Variants in EPC2 observed in about 807,000 individuals in gnomAD.
The protein encoded by EPC2 is enhancer of polycomb homolog 2.
A neutral mutation model predicts 92.1 loss-of-function variants in EPC2; 14 were observed. That is an observed-to-expected ratio of 0.15 (90% CI 0.10 to 0.24). The LOEUF is 0.24. EPC2 is among the 10% of genes least tolerant of loss of function. The pLI is 1.00. For missense variants in EPC2, 755 were observed against 971.5 expected (o/e 0.78, Z 2.96); for synonymous variants, 340 against 334.7 (o/e 1.02, Z -0.17).
intron 3 of EPC2, among the ~76,000 whole-genome samples, chr2:148,747,095 G>A (rs909514342): frequency 5.9e-5 from 9 of 152,024 alleles, no homozygotes; most frequent in African/African-American, 1.9e-4. Flanking sequence ...AACCCTCAGT[G>A]TTTTAATGTA....
intron 10 of EPC2, among the ~76,000 whole-genome samples, chr2:148,780,142 G>A (rs1358406869): frequency 6.6e-6 from 1 of 152,160 alleles, no homozygotes; most frequent in Non-Finnish European, 1.5e-5. Flanking sequence ...TGGTAATTCA[G>A]TAAGATAACT....
At chr2:148,672,156 T>G (rs1681167182) in intron 1 of EPC2, among the ~76,000 whole-genome samples, 1 of 152,212 alleles carries the variant, frequency 6.6e-6, no homozygotes, top group Non-Finnish European at 1.5e-5. Flanking sequence ...AAAGTAAGTC[T>G]TATAATTGTT....
At position 148,782,395 on chromosome 2, in the gene EPC2, G is replaced by A. The variant is rs151108774; in HGVS notation, c.1857+615G>A. On this transcript the variant is annotated intron_variant, in intron 11 of 13. Coordinates refer to ENST00000258484, the MANE Select transcript of EPC2 (RefSeq NM_015630.4). Reference sequence around the variant, plus strand: ...CTACTAAAAATACAAAAACTAACTGGGCATGGTGGTGAATACCTGTAAGCC... The same window carrying A: ...CTACTAAAAATACAAAAACTAACTGAGCATGGTGGTGAATACCTGTAAGCC... Among the ~76,000 whole-genome samples the A allele has an allele frequency of 7.2e-4, 110 of 152,124 alleles. 2 individuals carry two copies. Among genetic ancestry groups the A allele is most frequent in the African/African-American group, 2.3e-3 (95 of 41,496 alleles).
intron 2 of EPC2, among the ~76,000 whole-genome samples, chr2:148,710,161 AAAC>A (rs1682105796): frequency 1.3e-5 from 2 of 152,142 alleles, no homozygotes; most frequent in Non-Finnish European, 2.9e-5. Context: ...GAAAAAAATC[AAAC>A]AACACCATCA....
chr2:148,706,883 A>G (rs1682011686), intron 2 of EPC2, among the ~76,000 whole-genome samples: 1 of 152,212 alleles, frequency 6.6e-6, no homozygotes, highest in Admixed American at 6.5e-5. Context: ...GGTATCAGCC[A>G]CTGCAAAAAC....
chr2:148,720,061 G>A (rs1258872477), intron 2 of EPC2, among the ~76,000 whole-genome samples: 4 of 152,132 alleles, frequency 2.6e-5, no homozygotes, highest in African/African-American at 9.7e-5. Context: ...CCTCTGCCCA[G>A]GTAGCAGCCC....
chr2:148,679,177 T>G (rs1438932036), intron 1 of EPC2, among the ~76,000 whole-genome samples: 2 of 152,208 alleles, frequency 1.3e-5, no homozygotes, highest in African/African-American at 4.8e-5. Context: ...TATGCTGCCA[T>G]TTAGCTCAGT....
At chr2:148,739,886 A>T (rs1197958662) in intron 2 of EPC2, among the ~76,000 whole-genome samples, 4 of 126,256 alleles carry the variant, frequency 3.2e-5, no homozygotes, top group African/African-American at 1.2e-4. Flanking sequence ...ACTTCACTAC[A>T]GGAAGTCTTC....
At chr2:148,647,992 G>A (rs1275807977) in intron 1 of EPC2, among the ~76,000 whole-genome samples, 1 of 152,202 alleles carries the variant, frequency 6.6e-6, no homozygotes, top group East Asian at 1.9e-4. Context: ...GAGCATGAGT[G>A]CTAAACTTGG....
At chr2:148,692,965 TATG>T (rs1440912375) in intron 2 of EPC2, 21 of 152,228 alleles carry the variant, frequency 1.4e-4, no homozygotes, top group African/African-American at 4.6e-4. Context: ...TTACTGCACA[TATG>T]ATATTTATTC....
At chr2:148,748,383 ACT>A (rs1683026930) in intron 3 of EPC2, among the ~76,000 whole-genome samples, 1 of 151,940 alleles carries the variant, frequency 6.6e-6, no homozygotes, top group African/African-American at 2.4e-5. Flanking sequence ...AGACTAATAT[ACT>A]CTCTTTCTTA....
chr2:148,677,953 G>A (rs1446587512), intron 1 of EPC2, among the ~76,000 whole-genome samples: 2 of 152,136 alleles, frequency 1.3e-5, no homozygotes, highest in Non-Finnish European at 2.9e-5. Flanking sequence ...TGCAAAGAGC[G>A]AAAGAACAAA....
chr2:148,708,097 G>A lies in EPC2; in HGVS notation c.313+17724G>A, dbSNP rs147895076. 2.8e-4 allele frequency among the ~76,000 whole-genome samples: 42 copies of A among 152,098 alleles called. No homozygotes were observed. The East Asian group carries it at 7.2e-3, about 26-fold the overall frequency. On this transcript the variant is annotated intron_variant, in intron 2 of 13. Transcript: ENST00000258484. ...AAAAGATCAACAAAATTGATAGACC[G>A]GTAGCAAGACTAATAAAGAAGAGAG...
At chr2:148,659,981 T>C (rs1284242178) in intron 1 of EPC2, among the ~76,000 whole-genome samples, 1 of 152,154 alleles carries the variant, frequency 6.6e-6, no homozygotes, top group Non-Finnish European at 1.5e-5. Flanking sequence ...TATTCTGTTT[T>C]TGGAAATACC....
intron 7 of EPC2, 22 bp from the exon 8 acceptor site, chr2:148,769,129 A>G: frequency 3.9e-6 from 6 of 1,544,006 alleles, no homozygotes; most frequent in Non-Finnish European, 5.4e-6. Context: ...TAACTTCTAA[A>G]TGGAATGCCT....
intron 2 of EPC2, among the ~76,000 whole-genome samples, chr2:148,704,195 G>C (rs912990683): frequency 2.0e-5 from 3 of 152,190 alleles, no homozygotes; most frequent in Non-Finnish European, 4.4e-5. Flanking sequence ...CGTGTACTTA[G>C]AATGAATATT....
intron 1 of EPC2, among the ~76,000 whole-genome samples, chr2:148,665,414 A>G (rs921772418): frequency 3.9e-5 from 6 of 152,182 alleles, no homozygotes; most frequent in African/African-American, 1.4e-4. Flanking sequence ...TATTTAAGCT[A>G]CATTGATGTT....
chr2:148,719,548 C>G (rs1170561339), intron 2 of EPC2, among the ~76,000 whole-genome samples: 3 of 152,204 alleles, frequency 2.0e-5, no homozygotes, highest in African/African-American at 4.8e-5. Context: ...CTTCCTGTAC[C>G]TGGAGGTATC....
intron 2 of EPC2, among the ~76,000 whole-genome samples, chr2:148,711,548 G>A (rs1422928999): frequency 2.0e-5 from 3 of 152,040 alleles, no homozygotes; most frequent in South Asian, 2.1e-4. Flanking sequence ...GAAAAAGTGT[G>A]TTCTGCTCTT....
Sources: allele counts gnomAD v4.1 joint callset (sites outside exome capture counted in the v4.1 genomes callset), GRCh38; gene constraint gnomAD v4.1.1; transcripts MANE v1.5; gene names NCBI Gene and HGNC (gene_info 2026-07-23, HGNC 2026-07-21).